FREM2: variants seen among roughly 807,000 people sequenced by gnomAD.
The protein encoded by FREM2 is FRAS1-related extracellular matrix protein 2.
FREM2 carries 119 observed loss-of-function variants against 219.9 expected under a neutral mutation model. That is an observed-to-expected ratio of 0.54 (90% CI 0.47 to 0.63). FREM2 has a LOEUF of 0.63. FREM2 is among the 30% of genes least tolerant of loss of function. FREM2 has a pLI of 0.00. For synonymous variants in FREM2, 1,562 were observed against 1,522.8 expected (o/e 1.03, Z -0.60); for missense variants, 4,030 against 3,993.6 (o/e 1.01, Z -0.25).
At chr13:38,864,225 A>C (rs770845728) in intron 15 of FREM2, 50 bp from the exon 16 acceptor site, 1 of 1,447,226 alleles carries the variant, frequency 6.9e-7, no homozygotes, top group African/African-American at 1.4e-5. Context: ...AAGTGTTCAA[A>C]ATTCTTGGCT....
chr13:38,694,425 A>G (rs1270665384), intron 1 of FREM2, among the ~76,000 whole-genome samples: 1 of 152,212 alleles, frequency 6.6e-6, no homozygotes, highest in African/African-American at 2.4e-5. Flanking sequence ...CGTAGCTGTT[A>G]TTTATGGAGA....
chr13:38,792,848 A>G (rs543154558), intron 6 of FREM2, among the ~76,000 whole-genome samples: 1 of 152,328 alleles, frequency 6.6e-6, no homozygotes, highest in East Asian at 1.9e-4. Flanking sequence ...TAAGGATAAG[A>G]TAAAACAAAG....
In FREM2 at chr13:38,771,397, G is replaced by C. The variant is rs188136791; in HGVS notation, c.5641+1589G>C. On this transcript the variant is annotated intron_variant, in intron 4 of 23. Transcript: ENST00000280481. ...TAGTTAAAACTGGAAGCCATTTTTT[G>C]ATATTTCATTTCCCAACTAGTACAA... is the stretch of plus-strand genomic sequence containing the variant. 6.6e-3 allele frequency among the ~76,000 whole-genome samples: 1,006 copies of C among 152,006 alleles called. 12 individuals are homozygous for C. Among genetic ancestry groups the C allele is most frequent in the African/African-American group, 0.024 (977 of 41,504 alleles).
At chr13:38,767,864 G>A (rs1873502580) in intron 3 of FREM2, among the ~76,000 whole-genome samples, 1 of 152,128 alleles carries the variant, frequency 6.6e-6, no homozygotes, top group South Asian at 2.1e-4. Flanking sequence ...AAAATATGAT[G>A]CAATATTTAT....
chr13:38,840,729 T>TAC (rs1239295633), intron 6 of FREM2, among the ~76,000 whole-genome samples: 4 of 146,772 alleles, frequency 2.7e-5, no homozygotes, highest in South Asian at 2.2e-4. Context: ...GATATATATA[T>TAC]ATACACACAC....
At chr13:38,787,730 ATTG>A (rs962449994) in intron 6 of FREM2, among the ~76,000 whole-genome samples, 3 of 149,696 alleles carry the variant, frequency 2.0e-5, no homozygotes, top group African/African-American at 4.9e-5. Context: ...TAAGTTTATT[ATTG>A]TTATTTATTA....
intron 2 of FREM2, 58 bp downstream of exon 2, chr13:38,697,845 C>T (rs1238567062): frequency 4.3e-6 from 4 of 929,054 alleles, no homozygotes; most frequent in Non-Finnish European, 7.2e-6. Context: ...CTTGGTTGCT[C>T]TCTGATGACA....
intron 15 of FREM2, among the ~76,000 whole-genome samples, 178 bp from the exon 16 acceptor site, chr13:38,864,097 G>A (rs982698162): frequency 6.7e-5 from 10 of 149,956 alleles, no homozygotes; most frequent in African/African-American, 1.7e-4. Context: ...CCAAAGTGCC[G>A]GGATTACAGG....
intron 6 of FREM2, among the ~76,000 whole-genome samples, chr13:38,844,944 T>C (rs1877095508): frequency 6.6e-6 from 1 of 152,192 alleles, no homozygotes; most frequent in Non-Finnish European, 1.5e-5. Context: ...TGGCTTGTAA[T>C]TGAGGTTGGC....
rs1386839569 is a variant in FREM2, at chr13:38,688,517, G to A, written c.1173G>A (p.Leu391=). 2 of 1,614,012 alleles carry A rather than the reference G, an allele frequency of 1.2e-6. No individual in the cohort carries two copies. Among genetic ancestry groups the A allele is most frequent in the Non-Finnish European group, 1.7e-6 (2 of 1,179,980 alleles). ...TCACTCAGAGGGATCTGCGGCTCCTGAAGATTGCCTACCAGCCCCCTTCTG... is the reference window on the plus strand; with the variant it reads ...TCACTCAGAGGGATCTGCGGCTCCTAAAGATTGCCTACCAGCCCCCTTCTG... ...SSFTQRDLRL[L]KIAYQPPSED... is the part of the protein sequence containing the mutation. Residue 391 remains leucine, a synonymous_variant, in exon 1 of 24, where the codon CTG becomes CTA. Coordinates refer to ENST00000280481, the MANE Select transcript of FREM2 (RefSeq NM_207361.6).
rs142093670 is a variant in FREM2, at chr13:38,728,545, A to G, written c.5263+30758A>G. 1.1e-4 allele frequency among the ~76,000 whole-genome samples: 17 copies of G among 152,044 alleles called. No individual in the cohort carries two copies. In the East Asian group the frequency reaches 3.3e-3, roughly 30 times the overall value. ...CTCAGCCACCAGAGTAGCTGGGACT[A>G]TATGTGTGCACCACCATGCCCAGCT... On this transcript the variant is annotated intron_variant, in intron 2 of 23. Coordinates refer to ENST00000280481, the MANE Select transcript of FREM2 (RefSeq NM_207361.6).
chr13:38,717,578 A>G (rs750450861), intron 2 of FREM2, among the ~76,000 whole-genome samples: 14 of 150,732 alleles, frequency 9.3e-5, no homozygotes, highest in Non-Finnish European at 2.1e-4. Context: ...CAACATGCCC[A>G]GCTAATTTTT....
At chr13:38,791,679 C>G (rs1290843619) in intron 6 of FREM2, among the ~76,000 whole-genome samples, 2 of 152,114 alleles carry the variant, frequency 1.3e-5, no homozygotes, top group Non-Finnish European at 2.9e-5. Context: ...AGGGGAACTG[C>G]CCCCATGATT....
At position 38,864,375 on chromosome 13, in the gene FREM2, G is replaced by A; in HGVS notation, c.7752G>A (p.Leu2584=). 1 of 1,614,040 alleles carries A rather than the reference G, an allele frequency of 6.2e-7. No individual in the cohort carries two copies. Among genetic ancestry groups the A allele is most frequent in the Non-Finnish European group, 8.5e-7 (1 of 1,179,978 alleles). ...RVGNHKCSNL[L]DYTEVKTHYG... is the part of the protein sequence containing the mutation. ...GAAACCACAAGTGCTCCAACCTCCT[G>A]GATTATACTGAAGTGAAGACTCATT... is the stretch of plus-strand genomic sequence containing the variant. Residue 2584 remains leucine, a synonymous_variant, in exon 16 of 24, where the codon CTG becomes CTA. Transcript: ENST00000280481.
intron 1 of FREM2, among the ~76,000 whole-genome samples, chr13:38,696,731 G>A (rs1870121608): frequency 6.6e-6 from 1 of 152,038 alleles, no homozygotes; most frequent in Non-Finnish European, 1.5e-5. Flanking sequence ...ATGTATGCAT[G>A]TGAATTTGAT....
chr13:38,834,105 G>C lies in FREM2; in HGVS notation c.6020-12468G>C, dbSNP rs1042152244. 3.3e-5 allele frequency among the ~76,000 whole-genome samples: 5 copies of C among 152,012 alleles called. 1 individual carries two copies. The South Asian group carries it at 1.0e-3, about 32-fold the overall frequency. On this transcript the variant is annotated intron_variant, in intron 6 of 23. Transcript: ENST00000280481. ...ACATAGGTATACATGTGCTGTGGTGGTTTGCTGCACCCATCAACCCATCAT... is the reference window on the plus strand; with the variant it reads ...ACATAGGTATACATGTGCTGTGGTGCTTTGCTGCACCCATCAACCCATCAT...
chr13:38,867,758 C>G (rs1231342336), intron 16 of FREM2, among the ~76,000 whole-genome samples: 2 of 152,194 alleles, frequency 1.3e-5, no homozygotes, highest in Admixed American at 6.5e-5. Context: ...AAGAGTGTCC[C>G]AGCTCCGAGA....
Position 38,692,186 on chromosome 13 carries a change from T to G in FREM2, c.4842T>G (p.Asp1614Glu). 1 of 1,613,986 alleles carries G rather than the reference T, an allele frequency of 6.2e-7. No homozygotes were observed. The highest frequency in any genetic ancestry group is 2.2e-5 in the East Asian group (1 of 44,886). Residue 1614 changes from aspartate to glutamate, a missense_variant, in exon 1 of 24, where the codon GAT becomes GAG. Asp to Glu is a conservative substitution (Grantham distance 45). Around this residue, in one of 2 missense-constraint regions of FREM2, gnomAD observed 3,102 missense variants for 2,950.7 expected, o/e 1.05. Coordinates refer to ENST00000280481, the MANE Select transcript of FREM2 (RefSeq NM_207361.6). ...YKHDGTESSE[D>E]SFSFTVTDGT... ...ATGATGGCACTGAGTCAAGTGAAGA[T>G]AGCTTCTCCTTCACAGTGACTGATG...
chr13:38,783,241 A>C (rs1874190187), intron 5 of FREM2, 46 bp downstream of exon 5: 1 of 1,608,728 alleles, frequency 6.2e-7, no homozygotes, highest in South Asian at 1.1e-5. Context: ...AAAAGATATA[A>C]ATAAGCCTTT....
Sources: gnomAD v4.1 joint callset for allele counts (sites outside exome capture counted in the v4.1 genomes callset) on GRCh38, gnomAD v4.1.1 for gene constraint, gnomAD v4.1.1 regional missense constraint, MANE v1.5 for transcripts, NCBI Gene and HGNC (gene_info 2026-07-23, HGNC 2026-07-21) for gene names.